The following CAMTA1 variants were observed in gnomAD, a reference collection of about 807,000 sequenced individuals.
The protein encoded by CAMTA1 is calmodulin binding transcription activator 1, also known as calmodulin-binding transcription activator 1.
A neutral mutation model predicts 170.9 loss-of-function variants in CAMTA1; 27 were observed. The observed-to-expected ratio is 0.16, with a 90% CI of 0.12 to 0.22. The LOEUF (loss-of-function observed/expected upper bound fraction) is 0.22, where lower values mean the gene tolerates loss of function less well. Among genes scored for constraint, CAMTA1 ranks in the 10% least tolerant of loss-of-function variants. The probability of loss-of-function intolerance (pLI) is 1.00; values close to 1 mark genes in which losing one functional copy is unlikely to be tolerated. For missense variants in CAMTA1, 1,619 were observed against 2,217.2 expected (o/e 0.73, Z 5.42); for synonymous variants, 833 against 891.5 (o/e 0.93, Z 1.17).
intron 3 of CAMTA1, among the ~76,000 whole-genome samples, chr1:6,959,890 AC>A (rs1464832172): frequency 2.6e-5 from 4 of 152,022 alleles, no homozygotes; most frequent in African/African-American, 7.2e-5. Context: ...GAGCAGAGAG[AC>A]CCAGGGTGGG....
At chr1:7,040,067 T>C (rs1009187966) in intron 3 of CAMTA1, among the ~76,000 whole-genome samples, 3 of 152,136 alleles carry the variant, frequency 2.0e-5, no homozygotes, top group African/African-American at 7.2e-5. Context: ...AATAAATGGA[T>C]TTTACAATTG....
intron 5 of CAMTA1, among the ~76,000 whole-genome samples, chr1:7,317,463 G>T (rs4908455): frequency 1.6e-4 from 24 of 152,214 alleles, no homozygotes; most frequent in Non-Finnish European, 1.0e-4. Flanking sequence ...GAATTAATAC[G>T]TGTCTAGCCC....
rs1006283823 is a variant in CAMTA1, at chr1:7,529,258, C to G, written c.510+61357C>G. 3.3e-5 allele frequency among the ~76,000 whole-genome samples: 5 copies of G among 152,200 alleles called. No homozygotes were observed. In the East Asian group the frequency reaches 7.7e-4, roughly 24 times the overall value. On this transcript the variant is annotated intron_variant, in intron 6 of 22. Transcript: ENST00000303635. ...GAGATGGGCATGGGGCAGGCTTGCT[C>G]AAGGTCCCTGTGACCTTGGACATTC... is the stretch of plus-strand genomic sequence containing the variant.
At chr1:7,559,342 T>C (rs2094925929) in intron 6 of CAMTA1, among the ~76,000 whole-genome samples, 6 of 152,152 alleles carry the variant, frequency 3.9e-5, no homozygotes, top group Admixed American at 3.9e-4. Context: ...GTTCTCAAGC[T>C]GACCCTCCTG....
Position 7,561,398 on chromosome 1 carries a change from G to A in CAMTA1, c.511-79002G>A, listed in dbSNP as rs1294524805. Among the ~76,000 whole-genome samples the A allele has an allele frequency of 6.6e-6, 1 of 151,952 alleles. No individual in the cohort carries two copies. The highest frequency in any genetic ancestry group is 2.0e-4 in the East Asian group (1 of 5,112). Reference sequence around the variant, plus strand: ...GGCAGCAGGCCAATGGGCCAGGCAGGTGGGGCAGGAGCCTCCTCTTGGGAG... The same window carrying A: ...GGCAGCAGGCCAATGGGCCAGGCAGATGGGGCAGGAGCCTCCTCTTGGGAG... On this transcript the variant is annotated intron_variant, in intron 6 of 22. Coordinates refer to ENST00000303635, the MANE Select transcript of CAMTA1 (RefSeq NM_015215.4). This position sits in a 1 kb window ranked among gnomAD's most constrained non-coding sequence, Gnocchi z 5.3.
intron 4 of CAMTA1, among the ~76,000 whole-genome samples, chr1:7,116,973 A>G (rs541024681): frequency 1.4e-5 from 2 of 143,268 alleles, no homozygotes; most frequent in African/African-American, 2.6e-5. Flanking sequence ...CATAGAAATA[A>G]CTACTTTTTT....
chr1:7,152,133 G>A (rs558644279), intron 4 of CAMTA1, among the ~76,000 whole-genome samples: 2 of 152,320 alleles, frequency 1.3e-5, no homozygotes, highest in African/African-American at 4.8e-5. Flanking sequence ...ATTAGAATCA[G>A]TCATTAGCTC....
At chr1:7,525,927 C>A (rs2094426588) in intron 6 of CAMTA1, among the ~76,000 whole-genome samples, 1 of 151,966 alleles carries the variant, frequency 6.6e-6, no homozygotes, top group Non-Finnish European at 1.5e-5. Context: ...TGTGGGAGCC[C>A]CCACCCAGAC....
intron 11 of CAMTA1, chr1:7,693,286 C>G (rs2096338662): frequency 1.3e-5 from 2 of 152,236 alleles, no homozygotes; most frequent in African/African-American, 4.8e-5. Context: ...TTAAAACCAT[C>G]AGATCTCGTG....
rs1015707740 is a variant in CAMTA1 at position 7,562,137 on chromosome 1, C to T, written c.511-78263C>T. 6.6e-6 allele frequency among the ~76,000 whole-genome samples: 1 copy of T among 152,212 alleles called. No homozygotes were observed. The highest frequency in any genetic ancestry group is 2.1e-4 in the South Asian group (1 of 4,832). On this transcript the variant is annotated intron_variant, in intron 6 of 22. Coordinates refer to ENST00000303635, the MANE Select transcript of CAMTA1 (RefSeq NM_015215.4). This position sits in a 1 kb window ranked among gnomAD's most constrained non-coding sequence, Gnocchi z 4.8. ...CCTATCTCCTGCCAGCCTCACTACC[C>T]GCACCAGGATTCACGGGTTGCAGCT...
At chr1:7,567,396 T>G (rs1273910453) in intron 6 of CAMTA1, among the ~76,000 whole-genome samples, 1 of 152,182 alleles carries the variant, frequency 6.6e-6, no homozygotes, top group Non-Finnish European at 1.5e-5. Context: ...TACACCTGAA[T>G]GGCAGGCAGA....
intron 6 of CAMTA1, among the ~76,000 whole-genome samples, chr1:7,490,231 A>G (rs1036474691): frequency 6.6e-6 from 1 of 152,206 alleles, no homozygotes; most frequent in Non-Finnish European, 1.5e-5. Flanking sequence ...ATGGGATTGC[A>G]CCGTGCACAA....
intron 3 of CAMTA1, among the ~76,000 whole-genome samples, chr1:7,047,841 G>A (rs1705659293): frequency 6.6e-6 from 1 of 151,942 alleles, no homozygotes; most frequent in African/African-American, 2.4e-5. Context: ...ATGCCTGGAT[G>A]TCATCCACCC....
At chr1:7,638,205 C>T (rs1242635854) in intron 6 of CAMTA1, among the ~76,000 whole-genome samples, 1 of 152,186 alleles carries the variant, frequency 6.6e-6, no homozygotes, top group Non-Finnish European at 1.5e-5. Flanking sequence ...GAGTCTCAGT[C>T]TATCAGCTGG....
At chr1:7,488,760 A>G (rs555660242) in intron 6 of CAMTA1, among the ~76,000 whole-genome samples, 18 of 152,322 alleles carry the variant, frequency 1.2e-4, no homozygotes, top group African/African-American at 4.3e-4. Flanking sequence ...ACATACATGT[A>G]CATATGCACA....
At chr1:7,485,538 G>A (rs574957407) in intron 6 of CAMTA1, among the ~76,000 whole-genome samples, 7 of 152,342 alleles carry the variant, frequency 4.6e-5, no homozygotes, top group African/African-American at 1.7e-4. Flanking sequence ...AGTGCAGCAT[G>A]CTTGGGGTTT....
chr1:7,065,677 A>G lies in CAMTA1; in HGVS notation c.235-25627A>G, dbSNP rs1708864637. On this transcript the variant is annotated intron_variant, in intron 3 of 22. Transcript: ENST00000303635. This position sits in a 1 kb window ranked among gnomAD's most constrained non-coding sequence, Gnocchi z 5.2. ...ACCTTGTTGGAGTCCATGTCAGCTG[A>G]TTGGAAGAATCCAGAAAAGGGAGAT... Among the ~76,000 whole-genome samples, 2 of 152,036 alleles carry G rather than the reference A, an allele frequency of 1.3e-5. No homozygotes were observed. The highest frequency in any genetic ancestry group is 1.5e-5 in the Non-Finnish European group (1 of 68,012).
intron 3 of CAMTA1, among the ~76,000 whole-genome samples, chr1:6,845,749 G>T (rs769767814): frequency 5.9e-5 from 9 of 152,218 alleles, no homozygotes; most frequent in Non-Finnish European, 1.2e-4. Flanking sequence ...TAGTAACTAA[G>T]ATCTGTTTGT....
At chr1:7,069,792 C>T (rs1279073934) in intron 3 of CAMTA1, among the ~76,000 whole-genome samples, 1 of 152,182 alleles carries the variant, frequency 6.6e-6, no homozygotes, top group African/African-American at 2.4e-5. Flanking sequence ...AAGTTTGGAG[C>T]TGAGACTCCA....
Sources: allele counts gnomAD v4.1 joint callset (sites outside exome capture counted in the v4.1 genomes callset), GRCh38; gene constraint gnomAD v4.1.1; non-coding constraint Gnocchi (gnomAD v3.1); transcripts MANE v1.5; gene names NCBI Gene and HGNC (gene_info 2026-07-23, HGNC 2026-07-21).